The following ARFGEF1 variants were observed in gnomAD, a reference collection of about 807,000 sequenced individuals.
ARFGEF1 encodes the protein brefeldin A-inhibited guanine nucleotide-exchange protein 1.
A neutral mutation model predicts 231.0 loss-of-function variants in ARFGEF1; 42 were observed. The observed-to-expected ratio is 0.18, with a 90% CI of 0.14 to 0.24. The LOEUF (loss-of-function observed/expected upper bound fraction) is 0.24. Among genes scored for constraint, ARFGEF1 ranks in the 10% least tolerant of loss-of-function variants. ARFGEF1 has a pLI of 1.00. For synonymous variants in ARFGEF1, 710 were observed against 732.3 expected (o/e 0.97, Z 0.49); for missense variants, 1,345 against 2,192.0 (o/e 0.61, Z 7.72).
rs778176082 is a variant in ARFGEF1, at chr8:67,227,325, T to C, written c.3744-16A>G. On this transcript the variant is annotated splice_polypyrimidine_tract_variant and intron_variant, in intron 26 of 38. Coordinates refer to ENST00000262215, the MANE Select transcript of ARFGEF1 (RefSeq NM_006421.5). ...TGTTGGAGACCTAAAAATATTAATATAATTGCTTGGATATGCAAACCGATA... is the reference window on the plus strand; with the variant it reads ...TGTTGGAGACCTAAAAATATTAATACAATTGCTTGGATATGCAAACCGATA... 1.9e-6 allele frequency: 3 copies of C among 1,606,968 alleles called. No homozygotes were observed. The South Asian group carries it at 3.3e-5, about 18-fold the overall frequency.
At chr8:67,257,682 G>C in intron 17 of ARFGEF1, 50 bp downstream of exon 17, 1 of 1,332,120 alleles carries the variant, frequency 7.5e-7, no homozygotes, top group Non-Finnish European at 1.1e-6. Flanking sequence ...TCAGAATAAT[G>C]TACTTATTTT....
intron 1 of ARFGEF1, among the ~76,000 whole-genome samples, chr8:67,329,442 T>G (rs1002096084): frequency 2.0e-5 from 3 of 151,446 alleles, no homozygotes; most frequent in Non-Finnish European, 4.4e-5. Flanking sequence ...GGCAGGAGAA[T>G]GGCGTGAACC....
rs201427330 is a variant in ARFGEF1 at position 67,217,985 on chromosome 8, T to C, written c.4474+18A>G. On this transcript the variant is annotated intron_variant, in intron 31 of 38. Transcript: ENST00000262215. ...GTCACATTTAACACTTTGTGTCACA[T>C]ATCTGGTACAGACCTACCTTGCTGC... 4 of 1,611,912 alleles carry C rather than the reference T, an allele frequency of 2.5e-6. No individual in the cohort carries two copies. The highest frequency in any genetic ancestry group is 2.2e-5 in the East Asian group (1 of 44,636).
rs557045551 is a variant in ARFGEF1 at position 67,250,059 on chromosome 8, G to A, written c.2850+1240C>T. The stretch of plus-strand genomic sequence containing the variant: ...AGAAACCAAAAGAATGCTGGTGTGA[G>A]TGCAGCATAGTAAGAAACAGAAGAG... On this transcript the variant is annotated intron_variant, in intron 19 of 38. Transcript: ENST00000262215. Among the ~76,000 whole-genome samples, 5 of 152,346 alleles carry A rather than the reference G, an allele frequency of 3.3e-5. No individual in the cohort carries two copies. In the South Asian group the frequency reaches 1.0e-3, roughly 32 times the overall value.
intron 6 of ARFGEF1, among the ~76,000 whole-genome samples, chr8:67,289,786 T>A (rs879790647): frequency 2.6e-5 from 4 of 152,168 alleles, no homozygotes; most frequent in Non-Finnish European, 4.4e-5. Context: ...CTTCTGTGAA[T>A]AAAAACATAA....
chr8:67,301,411 G>C (rs114028163), intron 2 of ARFGEF1, 31 bp from the exon 3 acceptor site: 16 of 1,576,412 alleles, frequency 1.0e-5, no homozygotes, highest in Non-Finnish European at 1.3e-5. Context: ...TGATTATAGC[G>C]TATCACATTT....
At chr8:67,195,660 T>G, downstream of ARFGEF1, 1 of 1,395,660 alleles carries the variant, frequency 7.2e-7, no homozygotes, top group Non-Finnish European at 1.0e-6. Flanking sequence ...GTACCTTTAA[T>G]ATGTCCTACT....
chr8:67,177,589 A>G, intron 5 of ARFGEF1: 1 of 775,644 alleles, frequency 1.3e-6, no homozygotes, highest in East Asian at 2.7e-5. Flanking sequence ...TTTCCAGTAG[A>G]GAGCTAGTCA....
At chr8:67,294,776 T>C (rs1451770919) in intron 5 of ARFGEF1, among the ~76,000 whole-genome samples, 1 of 152,168 alleles carries the variant, frequency 6.6e-6, no homozygotes, top group East Asian at 1.9e-4. Flanking sequence ...TATAAACATA[T>C]ATTTCCTAAC....
intron 19 of ARFGEF1, among the ~76,000 whole-genome samples, chr8:67,241,678 A>G (rs549401857): frequency 2.9e-4 from 44 of 152,278 alleles, no homozygotes; most frequent in African/African-American, 9.6e-4. Flanking sequence ...AGCTCCACCA[A>G]TCATCCCCCA....
intron 14 of ARFGEF1, among the ~76,000 whole-genome samples, chr8:67,261,168 AC>A (rs1402168055): frequency 9.8e-5 from 15 of 152,304 alleles, no homozygotes; most frequent in Middle Eastern, 6.8e-3. Flanking sequence ...AGATGTAGCT[AC>A]GATCATTTAT....
intron 1 of ARFGEF1, 81 bp downstream of exon 1, chr8:67,343,083 G>GGGC: frequency 1.6e-6 from 2 of 1,234,344 alleles, no homozygotes; most frequent in Non-Finnish European, 2.2e-6. Flanking sequence ...GGCAAGCCCC[G>GGGC]GGCGACCCCA....
intron 5 of ARFGEF1, chr8:67,175,584 G>A (rs1831419788): frequency 1.1e-6 from 1 of 879,066 alleles, no homozygotes; most frequent in African/African-American, 1.7e-5. Flanking sequence ...TGTAGTACCA[G>A]AAAAGAACAA....
intron 17 of ARFGEF1, among the ~76,000 whole-genome samples, chr8:67,254,250 C>A (rs1250532184): frequency 6.6e-6 from 1 of 152,118 alleles, no homozygotes; most frequent in African/African-American, 2.4e-5. Context: ...AAGACGGTAA[C>A]CCCATTACCA....
chr8:67,186,546 T>C (rs1834659546), intron 5 of ARFGEF1, among the ~76,000 whole-genome samples: 1 of 152,174 alleles, frequency 6.6e-6, no homozygotes, highest in African/African-American at 2.4e-5. Flanking sequence ...TTCTGCAACT[T>C]GATAAAGAAC....
At chr8:67,206,012 T>C (rs2129577488) in intron 34 of ARFGEF1, among the ~76,000 whole-genome samples, 1 of 152,312 alleles carries the variant, frequency 6.6e-6, no homozygotes, top group African/African-American at 2.4e-5. Context: ...TATGCAATAC[T>C]GTGGTTTGGC....
chr8:67,192,475 T>C (rs1011281174), intron 5 of ARFGEF1, among the ~76,000 whole-genome samples: 1 of 152,202 alleles, frequency 6.6e-6, no homozygotes, highest in Non-Finnish European at 1.5e-5. Flanking sequence ...TTTCAGATCT[T>C]TTTTCCCATT....
chr8:67,310,001 A>G (rs887395201), intron 1 of ARFGEF1, among the ~76,000 whole-genome samples: 1 of 152,216 alleles, frequency 6.6e-6, no homozygotes, highest in African/African-American at 2.4e-5. Context: ...CTAATACAAA[A>G]TACTTTGGTA....
chr8:67,340,955 T>TG (rs1808597556), intron 1 of ARFGEF1, among the ~76,000 whole-genome samples: 1 of 152,152 alleles, frequency 6.6e-6, no homozygotes, highest in Non-Finnish European at 1.5e-5. Context: ...TGCTCATGAG[T>TG]GGTAGGGAAT....
Sources: gnomAD v4.1 joint callset for allele counts (sites outside exome capture counted in the v4.1 genomes callset) on GRCh38, gnomAD v4.1.1 for gene constraint, MANE v1.5 for transcripts, NCBI Gene and HGNC (gene_info 2026-07-23, HGNC 2026-07-21) for gene names.